CNOT1: variants seen among roughly 807,000 people sequenced by gnomAD.
CNOT1 encodes CCR4-NOT transcription complex subunit 1.
Under a neutral mutation model 273.8 loss-of-function variants are expected in CNOT1, and 15 were observed. The ratio of observed to expected loss-of-function variants is 0.05; its 90% CI spans 0.04 to 0.08. CNOT1 has a LOEUF of 0.08. Ranked by LOEUF, CNOT1 falls within the 10% of genes least tolerant of loss-of-function variation. The pLI is 1.00. For synonymous variants in CNOT1, 1,022 were observed against 1,005.5 expected, an observed-to-expected ratio of 1.02 and a Z score of -0.31; for missense variants, 1,644 against 2,912.2, an observed-to-expected ratio of 0.56 and a Z score of 10.02.
At chr16:58,565,650 G>A (rs761709436) in intron 16 of CNOT1, among the ~76,000 whole-genome samples, 1 of 151,802 alleles carries the variant, frequency 6.6e-6, no homozygotes, top group Non-Finnish European at 1.5e-5. Context: ...ATTTTTTTAA[G>A]TACAACTCAG....
chr16:58,525,007 C>T (rs188630491), intron 46 of CNOT1, among the ~76,000 whole-genome samples, 172 bp downstream of exon 46: 1 of 152,312 alleles, frequency 6.6e-6, no homozygotes, highest in East Asian at 1.9e-4. Flanking sequence ...ATTTCCTGCA[C>T]TGAGCAGATA....
intron 1 of CNOT1, among the ~76,000 whole-genome samples, chr16:58,617,978 C>T (rs893704683): frequency 8.5e-5 from 13 of 152,094 alleles, no homozygotes; most frequent in Admixed American, 6.6e-4. Flanking sequence ...TGCACTAGAG[C>T]GTGGGTAACA....
In CNOT1 at chr16:58,546,752, A is replaced by G. The variant is rs1373137447; in HGVS notation, c.3751-3T>C. The G allele has an allele frequency of 6.2e-7, 1 of 1,613,890 alleles. No homozygotes were observed. Among genetic ancestry groups the G allele is most frequent in the African/African-American group, 1.3e-5 (1 of 75,032 alleles). ...CAAGGGTTTGGTGGCCTAAAAACCT[A>G]AAGAAAAGCTATTATGTTAAGCTGG... On this transcript the variant is annotated splice_region_variant and splice_polypyrimidine_tract_variant and intron_variant, in intron 27 of 48. Coordinates refer to ENST00000317147, the MANE Select transcript of CNOT1 (RefSeq NM_016284.5).
At chr16:58,607,653 G>A (rs1338376783) in intron 1 of CNOT1, among the ~76,000 whole-genome samples, 1 of 148,720 alleles carries the variant, frequency 6.7e-6, no homozygotes, top group Non-Finnish European at 1.5e-5. Context: ...TTGAATCCAG[G>A]AGGCAGAGGG....
At chr16:58,610,336 T>A (rs187722988) in intron 1 of CNOT1, among the ~76,000 whole-genome samples, 1 of 151,654 alleles carries the variant, frequency 6.6e-6, no homozygotes, top group Admixed American at 6.6e-5. Flanking sequence ...ACGCAGGAGG[T>A]GGAGGGTTGC....
chr16:58,611,285 C>T (rs1307080156), intron 1 of CNOT1, among the ~76,000 whole-genome samples: 5 of 151,444 alleles, frequency 3.3e-5, no homozygotes, highest in Admixed American at 1.3e-4. Flanking sequence ...AAAAATTAGC[C>T]GGGCGTGACA....
chr16:58,611,512 G>A (rs763141847), intron 1 of CNOT1, among the ~76,000 whole-genome samples: 2 of 152,040 alleles, frequency 1.3e-5, no homozygotes, highest in Non-Finnish European at 2.9e-5. Flanking sequence ...GTTATTCCTT[G>A]CTAACAGGTA....
At chr16:58,625,553 G>A (rs141502970) in intron 1 of CNOT1, among the ~76,000 whole-genome samples, 2 of 151,106 alleles carry the variant, frequency 1.3e-5, no homozygotes, top group Non-Finnish European at 3.0e-5. Flanking sequence ...GCATGATGGC[G>A]CGCACCTGTA....
intron 1 of CNOT1, among the ~76,000 whole-genome samples, chr16:58,620,653 T>TAAAAAAAAAAAA (rs200053031): frequency 1.9e-5 from 2 of 106,832 alleles, no homozygotes; most frequent in Non-Finnish European, 3.6e-5. Flanking sequence ...CTGTCTCATT[T>TAAAAAAAAAAAA]AAAAAAAAAA....
intron 23 of CNOT1, 59 bp from the exon 24 acceptor site, chr16:58,551,331 A>G (rs2040441751): frequency 1.3e-6 from 2 of 1,489,566 alleles, no homozygotes; most frequent in South Asian, 2.6e-5. Context: ...CCTGAAAAAA[A>G]TCCAATAATG....
chr16:58,551,389 G>C, intron 23 of CNOT1, 117 bp from the exon 24 acceptor site: 1 of 1,245,068 alleles, frequency 8.0e-7, no homozygotes, highest in Non-Finnish European at 1.1e-6. Context: ...CTGTGTATTA[G>C]AAATGTAGGC....
At chr16:58,618,822 A>T (rs1237558793) in intron 1 of CNOT1, among the ~76,000 whole-genome samples, 2 of 152,140 alleles carry the variant, frequency 1.3e-5, no homozygotes, top group Non-Finnish European at 2.9e-5. Flanking sequence ...AATTTATTTC[A>T]CTCAATGCTA....
chr16:58,596,603 T>C (rs1224619970), intron 2 of CNOT1, among the ~76,000 whole-genome samples: 1 of 151,910 alleles, frequency 6.6e-6, no homozygotes, highest in African/African-American at 2.4e-5. Flanking sequence ...AAAGTCAATT[T>C]ACCGCTGGGC....
intron 10 of CNOT1, among the ~76,000 whole-genome samples, chr16:58,582,190 G>A (rs1387461593): frequency 3.3e-5 from 5 of 152,206 alleles, no homozygotes; most frequent in Admixed American, 3.3e-4. Flanking sequence ...TACTTGGGAG[G>A]CTGAGGCAGG....
At chr16:58,571,491 A>G (rs1023098241) in intron 16 of CNOT1, among the ~76,000 whole-genome samples, 1 of 152,024 alleles carries the variant, frequency 6.6e-6, no homozygotes, top group Non-Finnish European at 1.5e-5. Flanking sequence ...ACGTGGGAGG[A>G]GGAGGTTGCA....
intron 29 of CNOT1, 48 bp downstream of exon 29, chr16:58,546,273 T>G: frequency 6.7e-7 from 1 of 1,482,436 alleles, no homozygotes; most frequent in Non-Finnish European, 9.4e-7. Flanking sequence ...CCATTTAAGA[T>G]AGTATCCTAG....
At chr16:58,560,951 G>C (rs1293031758) in intron 16 of CNOT1, among the ~76,000 whole-genome samples, 1 of 152,156 alleles carries the variant, frequency 6.6e-6, no homozygotes, top group African/African-American at 2.4e-5. Flanking sequence ...CTCGAATCTG[G>C]GAGGCAGAGG....
At position 58,586,645 on chromosome 16, in the gene CNOT1, C is replaced by T; in HGVS notation, c.537G>A (p.Glu179=). 1 of 1,613,122 alleles carries T rather than the reference C, an allele frequency of 6.2e-7. No homozygotes were observed. Among genetic ancestry groups the T allele is most frequent in the South Asian group, 1.1e-5 (1 of 91,060 alleles). The change falls in exon 7 of 49, where the codon GAG becomes GAA. Residue 179 remains glutamate, a synonymous_variant. Coordinates refer to ENST00000317147, the MANE Select transcript of CNOT1 (RefSeq NM_016284.5). ...GATGGGAGAGGAGGAGGTGTAGGAC[C>T]TCTATTGCTATATCTTGGAAGCCAC... The part of the protein sequence containing the change: ...QEGGFQDIAI[E]VLHLLLSHLL...
intron 1 of CNOT1, among the ~76,000 whole-genome samples, chr16:58,626,007 C>A (rs1186091376): frequency 6.6e-6 from 1 of 152,056 alleles, no homozygotes; most frequent in East Asian, 1.9e-4. Flanking sequence ...CAATGGGATG[C>A]CATTTTGAAA....
Sources: allele counts gnomAD v4.1 joint callset (sites outside exome capture counted in the v4.1 genomes callset), GRCh38; gene constraint gnomAD v4.1.1; transcripts MANE v1.5; gene names NCBI Gene and HGNC (gene_info 2026-07-23, HGNC 2026-07-21).